Variants in ROBO2 observed in about 807,000 individuals in gnomAD.
The protein encoded by ROBO2 is roundabout guidance receptor 2, also known as roundabout homolog 2.
Under a neutral mutation model 160.8 loss-of-function variants are expected in ROBO2, and 53 were observed. The ratio of observed to expected loss-of-function variants is 0.33; its 90% CI spans 0.26 to 0.41. The LOEUF (loss-of-function observed/expected upper bound fraction) is 0.41, where lower values mean the gene tolerates loss of function less well. Ranked by LOEUF, ROBO2 falls within the 10% of genes least tolerant of loss-of-function variation. ROBO2 has a pLI of 1.00. For missense variants in ROBO2, 1,577 were observed against 1,722.4 expected (o/e 0.92, Z 1.49); for synonymous variants, 664 against 611.7 (o/e 1.09, Z -1.26).
In ROBO2 at chr3:76,273,045, ATT is replaced by A. The variant is rs1707671562; in HGVS notation, c.109+335444_109+335445del. On this transcript the variant is annotated intron_variant, in intron 2 of 26. Transcript: ENST00000487694. ...TATAATATATATTTATAAAATATAT[ATT>A]ATATAAATATATAAAAAATATATAT... Among the ~76,000 whole-genome samples the A allele has an allele frequency of 3.9e-5, 4 of 102,136 alleles. No homozygotes were observed. The South Asian group carries it at 9.9e-4, about 25-fold the overall frequency. The allele number at this position is 102,136 out of a possible 152,430, so 67.0% of individuals were successfully genotyped here.
Position 77,546,332 on chromosome 3 carries a change from T to A in ROBO2, c.935-6T>A, listed in dbSNP as rs2092697370. 4.3e-6 allele frequency: 7 copies of A among 1,613,012 alleles called. No homozygotes were observed. The highest frequency in any genetic ancestry group is 5.9e-6 in the Non-Finnish European group (7 of 1,179,152). ...TTTACACGCTTTCTTTTCTTTTAAA[T>A]TATAGCTCCCCCACAGTTTGTGGTT... On this transcript the variant is annotated splice_polypyrimidine_tract_variant and splice_region_variant and intron_variant, in intron 6 of 25. Transcript: ENST00000461745.
Position 76,304,639 on chromosome 3 carries a change from GTAGT to G in ROBO2, c.109+367041_109+367044del, listed in dbSNP as rs574293630. Among the ~76,000 whole-genome samples the G allele has an allele frequency of 2.4e-3, 373 of 152,278 alleles. 1 individual carries two copies. The highest frequency in any genetic ancestry group is 3.3e-3 in the Non-Finnish European group (225 of 68,036). On this transcript the variant is annotated intron_variant, in intron 2 of 26. Coordinates refer to the ROBO2 transcript ENST00000487694. ...CTTTGCCAAGTTAATGAGAAGGAAA[GTAGT>G]TAGAGAGTCACACAGCTAAGTTTGC...
intron 2 of ROBO2, among the ~76,000 whole-genome samples, chr3:77,129,676 G>A (rs1270561222): frequency 2.0e-5 from 3 of 152,122 alleles, no homozygotes; most frequent in Non-Finnish European, 4.4e-5. Flanking sequence ...GAGAAGAATT[G>A]GGCCCTTTCT....
chr3:76,375,085 A>T (rs1260006662), intron 2 of ROBO2, among the ~76,000 whole-genome samples: 1 of 151,930 alleles, frequency 6.6e-6, no homozygotes, highest in African/African-American at 2.4e-5. Flanking sequence ...TAAAATAAAC[A>T]TTAAGCATTG....
At chr3:76,776,366 TG>T (rs1443620417) in intron 2 of ROBO2, among the ~76,000 whole-genome samples, 1 of 151,036 alleles carries the variant, frequency 6.6e-6, no homozygotes, top group Non-Finnish European at 1.5e-5. Context: ...ATTTCTTAAA[TG>T]GGAACTATTG....
chr3:77,456,764 TA>T (rs1433829603), intron 2 of ROBO2, among the ~76,000 whole-genome samples: 4 of 152,174 alleles, frequency 2.6e-5, no homozygotes, highest in Non-Finnish European at 2.9e-5. Flanking sequence ...CTCTTCTCAG[TA>T]GAATATATTC....
chr3:76,033,245 C>A (rs1486257821), intron 2 of ROBO2, among the ~76,000 whole-genome samples: 1 of 152,052 alleles, frequency 6.6e-6, no homozygotes, highest in African/African-American at 2.4e-5. Flanking sequence ...CTATTTCTTT[C>A]TTTAGACAAT....
At chr3:76,751,743 T>A (rs570644364) in intron 2 of ROBO2, among the ~76,000 whole-genome samples, 1 of 152,110 alleles carries the variant, frequency 6.6e-6, no homozygotes, top group Non-Finnish European at 1.5e-5. Flanking sequence ...CACAATGAGA[T>A]ACCATCTCAC....
At chr3:77,639,382 G>T (rs1196012527) in intron 24 of ROBO2, among the ~76,000 whole-genome samples, 3 of 152,116 alleles carry the variant, frequency 2.0e-5, no homozygotes, top group African/African-American at 7.2e-5. Context: ...GTAAGATGGT[G>T]ATAAATGTTA....
chr3:76,956,735 C>T (rs1450275089), intron 2 of ROBO2, among the ~76,000 whole-genome samples: 1 of 151,962 alleles, frequency 6.6e-6, no homozygotes, highest in African/African-American at 2.4e-5. Context: ...GTTTCCCAAA[C>T]TTGCCTCATA....
At chr3:76,514,920 G>A (rs2081276488) in intron 2 of ROBO2, among the ~76,000 whole-genome samples, 1 of 152,110 alleles carries the variant, frequency 6.6e-6, no homozygotes, top group Non-Finnish European at 1.5e-5. Flanking sequence ...ACACACATTA[G>A]CCCTTGGTTT....
intron 2 of ROBO2, among the ~76,000 whole-genome samples, chr3:77,193,275 C>CA (rs199951931): frequency 0.029 from 4,141 of 144,508 alleles, 75 homozygotes; most frequent in Middle Eastern, 0.056. Context: ...ACAGATAATT[C>CA]AAAAAAAAAA....
At position 76,845,605 on chromosome 3, in the gene ROBO2, A is replaced by G. The variant is rs531698518; in HGVS notation, c.110-252409A>G. 3.3e-5 allele frequency among the ~76,000 whole-genome samples: 5 copies of G among 152,044 alleles called. No individual in the cohort carries two copies. In the South Asian group the frequency reaches 1.0e-3, roughly 32 times the overall value. On this transcript the variant is annotated intron_variant, in intron 2 of 26. Coordinates refer to the ROBO2 transcript ENST00000487694. ...CCACCATACTGTAATCTCCTAATTC[A>G]AGTCTCTTACTCCCTTTAAGCCTGC...
intron 2 of ROBO2, among the ~76,000 whole-genome samples, chr3:76,915,879 G>A (rs1203470724): frequency 6.6e-6 from 1 of 152,144 alleles, no homozygotes. Context: ...AATCCAGTGT[G>A]TGGTGAGGGC....
At chr3:77,390,310 G>A (rs2074584830) in intron 2 of ROBO2, among the ~76,000 whole-genome samples, 1 of 152,134 alleles carries the variant, frequency 6.6e-6, no homozygotes, top group Non-Finnish European at 1.5e-5. Flanking sequence ...TTTTCTTGAT[G>A]TATGGCATCT....
At chr3:76,252,262 T>A (rs1448180747) in intron 2 of ROBO2, among the ~76,000 whole-genome samples, 4 of 152,086 alleles carry the variant, frequency 2.6e-5, no homozygotes, top group African/African-American at 9.7e-5. Context: ...TTGGCCAATC[T>A]AAGCCTAACA....
chr3:76,951,814 A>G (rs990866435), intron 2 of ROBO2, among the ~76,000 whole-genome samples: 2 of 152,094 alleles, frequency 1.3e-5, no homozygotes, highest in African/African-American at 4.8e-5. Context: ...CCCTGCTCTT[A>G]CTGTTCACAA....
chr3:77,504,960 C>A (rs142179655), intron 5 of ROBO2, among the ~76,000 whole-genome samples: 1 of 152,128 alleles, frequency 6.6e-6, no homozygotes, highest in African/African-American at 2.4e-5. Flanking sequence ...TTCAAAAGAA[C>A]GAAGCAGGAT....
intron 2 of ROBO2, among the ~76,000 whole-genome samples, chr3:76,153,889 C>G (rs1468463632): frequency 6.6e-6 from 1 of 152,212 alleles, no homozygotes; most frequent in Admixed American, 6.5e-5. Context: ...AGCCCCAACA[C>G]AACTGCAGAG....
Sources: allele counts gnomAD v4.1 joint callset (sites outside exome capture counted in the v4.1 genomes callset), GRCh38; gene constraint gnomAD v4.1.1; transcripts MANE v1.5; gene names NCBI Gene and HGNC (gene_info 2026-07-23, HGNC 2026-07-21).